Variants in FKBP5 observed in about 807,000 individuals in gnomAD.
FKBP5 encodes FKBP prolyl isomerase 5.
A neutral mutation model predicts 50.5 loss-of-function variants in FKBP5; 23 were observed. The ratio of observed to expected loss-of-function variants is 0.46; its 90% confidence interval spans 0.33 to 0.65. FKBP5 has a LOEUF of 0.65. Among genes scored for constraint, FKBP5 ranks in the 30% least tolerant of loss-of-function variants. FKBP5 has a pLI of 0.02. For missense variants in FKBP5, 411 were observed against 553.1 expected, an observed-to-expected ratio of 0.74 and a Z score of 2.58; for synonymous variants, 176 against 190.6, an observed-to-expected ratio of 0.92 and a Z score of 0.63.
chr6:35,623,456 T>C (rs900788171), intron 3 of FKBP5, among the ~76,000 whole-genome samples: 2 of 152,232 alleles, frequency 1.3e-5, no homozygotes, highest in Non-Finnish European at 2.9e-5. Context: ...TGTCCATGTA[T>C]GTTTGCCTAC....
intron 2 of FKBP5, among the ~76,000 whole-genome samples, chr6:35,706,353 G>A (rs1389055701): frequency 6.6e-6 from 1 of 151,400 alleles, no homozygotes; most frequent in East Asian, 1.9e-4. Flanking sequence ...GAACCTAGGA[G>A]GCGGAGGTTG....
chr6:35,584,972 A>G, intron 8 of FKBP5: 2 of 985,448 alleles, frequency 2.0e-6, no homozygotes, highest in Non-Finnish European at 2.4e-6. Context: ...AATTCTGGCC[A>G]TCTCTCTGTA....
chr6:35,610,492 C>T (rs1278613279), intron 5 of FKBP5, among the ~76,000 whole-genome samples: 5 of 131,644 alleles, frequency 3.8e-5, no homozygotes, highest in Admixed American at 1.9e-4. Context: ...GGCGTGAACC[C>T]GAGAGGCGGA....
chr6:35,683,114 A>G (rs1260869278), intron 1 of FKBP5, among the ~76,000 whole-genome samples: 1 of 108,734 alleles, frequency 9.2e-6, no homozygotes, highest in African/African-American at 3.3e-5. Context: ...GTATATATAT[A>G]CGTATATGTG....
chr6:35,625,767 AATTTATTTATTT>A (rs532035754), intron 3 of FKBP5, among the ~76,000 whole-genome samples: 2,442 of 147,044 alleles, frequency 0.017, 37 homozygotes, highest in South Asian at 0.025. Context: ...ACATAATGTC[AATTTATTTATTT>A]ATTTATTTAT....
At chr6:35,586,212 G>A (rs564220398) in intron 8 of FKBP5, 14 of 984,716 alleles carry the variant, frequency 1.4e-5, no homozygotes, top group South Asian at 9.4e-5. Context: ...AATGAAGGGC[G>A]GTTTCTTTTT....
At chr6:35,583,306 G>A in intron 8 of FKBP5, 1 of 985,282 alleles carries the variant, frequency 1.0e-6, no homozygotes, top group Non-Finnish European at 1.2e-6. Flanking sequence ...GGAAAGAAAA[G>A]AAGAGCCAGG....
At chr6:35,647,717 T>C (rs1405773898) in intron 1 of FKBP5, among the ~76,000 whole-genome samples, 1 of 152,204 alleles carries the variant, frequency 6.6e-6, no homozygotes, top group East Asian at 1.9e-4. Context: ...TAGGTTTCTT[T>C]CCTTCCAGAG....
intron 1 of FKBP5, among the ~76,000 whole-genome samples, chr6:35,656,119 A>G (rs1764940285): frequency 6.6e-6 from 1 of 152,244 alleles, no homozygotes; most frequent in Non-Finnish European, 1.5e-5. Flanking sequence ...TATTACATAA[A>G]TTGTTTCCCA....
chr6:35,725,642 G>A (rs1394214049), intron 1 of FKBP5, among the ~76,000 whole-genome samples: 1 of 152,116 alleles, frequency 6.6e-6, no homozygotes, highest in Non-Finnish European at 1.5e-5. Flanking sequence ...CTTGATCCAT[G>A]GGGAGTTGGG....
At chr6:35,689,851 A>C (rs150414757), upstream of FKBP5, among the ~76,000 whole-genome samples, 112 of 152,108 alleles carry the variant, frequency 7.4e-4, no homozygotes, top group African/African-American at 2.4e-3. Context: ...AAAAACAAAA[A>C]CAAAACGGCT....
intron 2 of FKBP5, among the ~76,000 whole-genome samples, chr6:35,716,095 G>A (rs1766506600): frequency 6.6e-6 from 1 of 152,146 alleles, no homozygotes; most frequent in African/African-American, 2.4e-5. Context: ...GAGACAGGTG[G>A]GGGCAATGGC....
At chr6:35,687,024 C>T (rs1213248134) in intron 1 of FKBP5, among the ~76,000 whole-genome samples, 1 of 152,028 alleles carries the variant, frequency 6.6e-6, no homozygotes, top group Non-Finnish European at 1.5e-5. Context: ...GGTTCAATGG[C>T]GAACTCTTAT....
Position 35,575,662 on chromosome 6 carries a change from T to C in FKBP5, c.*173A>G, listed in dbSNP as rs1379119119. 14 of 609,440 alleles carry C rather than the reference T, an allele frequency of 2.3e-5. No individual in the cohort carries two copies. The highest frequency in any genetic ancestry group is 3.8e-5 in the Non-Finnish European group (13 of 339,768). The allele number at this position is 609,440 out of a possible 1,614,324, so 37.8% of individuals were successfully genotyped here. A position where few individuals can be genotyped will look rare whatever the true frequency, so the allele number is the denominator to read the frequency against. ...TCCCGTGCCACCCCTCAGTGAACCC[T>C]CCGGGCAGCAGCAGGGGGGCTGTTT... is the stretch of plus-strand genomic sequence containing the variant. On this transcript the variant is annotated 3_prime_UTR_variant, in exon 11 of 11. Transcript: ENST00000357266.
intron 2 of FKBP5, among the ~76,000 whole-genome samples, chr6:35,637,752 G>A (rs1443391642): frequency 6.6e-6 from 1 of 152,064 alleles, no homozygotes; most frequent in African/African-American, 2.4e-5. Flanking sequence ...ATGAGCCACC[G>A]CGCCCGACAC....
At chr6:35,665,882 T>A (rs1306196087) in intron 1 of FKBP5, among the ~76,000 whole-genome samples, 1 of 152,350 alleles carries the variant, frequency 6.6e-6, no homozygotes, top group East Asian at 1.9e-4. Context: ...CAGTTTTCAA[T>A]AAATTATGTG....
intron 5 of FKBP5, among the ~76,000 whole-genome samples, chr6:35,610,021 T>C (rs1331757460): frequency 6.6e-6 from 1 of 152,222 alleles, no homozygotes; most frequent in Non-Finnish European, 1.5e-5. Flanking sequence ...GGATTCTGGA[T>C]GATCAAATGA....
At chr6:35,631,954 CA>C (rs763457961) in intron 3 of FKBP5, among the ~76,000 whole-genome samples, 8,608 of 63,736 alleles carry the variant, frequency 0.14, 222 homozygotes, top group Admixed American at 0.18. Context: ...GACTCTGTCT[CA>C]AAAAAAAAAA....
chr6:35,601,361 G>A (rs1003973707), intron 5 of FKBP5, among the ~76,000 whole-genome samples: 1 of 152,176 alleles, frequency 6.6e-6, no homozygotes, highest in African/African-American at 2.4e-5. Context: ...ACATCTACAA[G>A]TAGCAAAGGG....
Sources: allele counts gnomAD v4.1 joint callset (sites outside exome capture counted in the v4.1 genomes callset), GRCh38; gene constraint gnomAD v4.1.1; transcripts MANE v1.5; gene names NCBI Gene and HGNC (gene_info 2026-07-23, HGNC 2026-07-21).